RAP1GAP2: variants seen among roughly 807,000 people sequenced by gnomAD.
The protein encoded by RAP1GAP2 is RAP1 GTPase activating protein 2, also known as rap1 GTPase-activating protein 2.
Under a neutral mutation model 95.0 loss-of-function variants are expected in RAP1GAP2, and 27 were observed. The ratio of observed to expected loss-of-function variants is 0.28; its 90% CI spans 0.21 to 0.39. RAP1GAP2 has a LOEUF of 0.39. RAP1GAP2 is among the 10% of genes least tolerant of loss of function. The pLI, the probability that RAP1GAP2 is intolerant of heterozygous loss-of-function variation, is 1.00. For missense variants in RAP1GAP2, 771 were observed against 970.0 expected (o/e 0.79, Z 2.72); for synonymous variants, 373 against 380.9 (o/e 0.98, Z 0.24).
chr17:2,908,099 C>T (rs1255634218), intron 3 of RAP1GAP2, among the ~76,000 whole-genome samples: 1 of 152,208 alleles, frequency 6.6e-6, no homozygotes, highest in Non-Finnish European at 1.5e-5. Context: ...GCCACCACGC[C>T]TGGCCCAGAG....
Position 2,796,683 on chromosome 17 carries a change from CTG to C in RAP1GAP2, c.44+113_44+114del. 8.0e-7 allele frequency: 1 copy of C among 1,244,772 alleles called. No individual in the cohort carries two copies. Among genetic ancestry groups the C allele is most frequent in the Non-Finnish European group, 1.1e-6 (1 of 870,132 alleles). 77.1% of individuals were successfully genotyped at this position (1,244,772 alleles called of 1,614,324 possible). A position where few individuals can be genotyped will look rare whatever the true frequency, so the allele number is the denominator to read the frequency against. ...GAGGGGCTCGGGCTGTGCCTGAGAG[CTG>C]GGTCTGCTGACGCCCTGGCAGGTCG... On this transcript the variant is annotated intron_variant, in intron 1 of 24. Coordinates refer to ENST00000254695, the MANE Select transcript of RAP1GAP2 (RefSeq NM_015085.5). The surrounding 1 kb of genome is among the most constrained non-coding windows in gnomAD (Gnocchi z 4.7).
intron 3 of RAP1GAP2, among the ~76,000 whole-genome samples, chr17:2,916,775 G>C (rs1304126583): frequency 6.6e-6 from 1 of 152,212 alleles, no homozygotes; most frequent in Non-Finnish European, 1.5e-5. Context: ...CATGATGAGT[G>C]AGATGCAGAT....
intron 2 of RAP1GAP2, among the ~76,000 whole-genome samples, chr17:2,822,290 AAC>A (rs2070338314): frequency 1.3e-5 from 2 of 152,188 alleles, no homozygotes; most frequent in Non-Finnish European, 2.9e-5. Flanking sequence ...AAAAGGCACA[AAC>A]ACGGTCTTTG....
At chr17:2,768,453 A>T (rs1379556591) in intron 1 of RAP1GAP2, among the ~76,000 whole-genome samples, 1 of 152,186 alleles carries the variant, frequency 6.6e-6, no homozygotes, top group African/African-American at 2.4e-5. Context: ...GAACTTTGGG[A>T]GGCCAAGGTG....
At position 2,797,259 on chromosome 17, in the gene RAP1GAP2, G is replaced by C. The variant is rs1365872256; in HGVS notation, c.44+688G>C. On this transcript the variant is annotated intron_variant, in intron 1 of 24. Coordinates refer to ENST00000254695, the MANE Select transcript of RAP1GAP2 (RefSeq NM_015085.5). This position sits in a 1 kb window ranked among gnomAD's most constrained non-coding sequence, Gnocchi z 5.6. ...CAGCTGCATCTGTCCCCAGCCTCCTGCCTGGCCCTCTGGACACTCTTGCCT... is the reference window on the plus strand; with the variant it reads ...CAGCTGCATCTGTCCCCAGCCTCCTCCCTGGCCCTCTGGACACTCTTGCCT... Among the ~76,000 whole-genome samples, 1 of 152,168 alleles carries C rather than the reference G, an allele frequency of 6.6e-6. No homozygotes were observed. Among genetic ancestry groups the C allele is most frequent in the Non-Finnish European group, 1.5e-5 (1 of 68,036 alleles).
chr17:2,852,213 T>C (rs959010362), intron 2 of RAP1GAP2, among the ~76,000 whole-genome samples: 2 of 152,182 alleles, frequency 1.3e-5, no homozygotes, highest in Non-Finnish European at 2.9e-5. Context: ...ACTGGCATAG[T>C]ACTTGCAGCC....
chr17:2,756,177 GGGC>G (rs563870916), intron 1 of RAP1GAP2, among the ~76,000 whole-genome samples: 359 of 152,380 alleles, frequency 2.4e-3, no homozygotes, highest in South Asian at 7.2e-3. Flanking sequence ...CTCTGGACTT[GGGC>G]CCCGAGAAGG....
rs771621540 is a variant in RAP1GAP2, at chr17:2,866,113, T to G, written c.81-39171T>G. ...GGGGGACCGCCCAAGGAAGGCTGCC[T>G]GGAGTTGGTGGCATTTGAAGTGGGC... On this transcript the variant is annotated intron_variant, in intron 2 of 24. Transcript: ENST00000254695. The surrounding 1 kb of genome is among the most constrained non-coding windows in gnomAD (Gnocchi z 4.0). Among the ~76,000 whole-genome samples the G allele has an allele frequency of 6.6e-6, 1 of 152,208 alleles. No homozygotes were observed. Among genetic ancestry groups the G allele is most frequent in the Non-Finnish European group, 1.5e-5 (1 of 68,046 alleles).
At chr17:2,930,312 C>A (rs142063549) in intron 3 of RAP1GAP2, among the ~76,000 whole-genome samples, 1 of 152,210 alleles carries the variant, frequency 6.6e-6, no homozygotes, top group East Asian at 1.9e-4. Context: ...GGAGGGGTGA[C>A]AAGCCCACCA....
intron 19 of RAP1GAP2, among the ~76,000 whole-genome samples, chr17:3,025,515 C>G (rs574416698): frequency 7.9e-5 from 12 of 152,332 alleles, no homozygotes; most frequent in African/African-American, 1.2e-4. Flanking sequence ...TCCCAGCTCC[C>G]AGGGCAGCCT....
intron 14 of RAP1GAP2, among the ~76,000 whole-genome samples, chr17:2,999,599 A>C (rs540836283): frequency 2.6e-5 from 4 of 152,288 alleles, no homozygotes; most frequent in African/African-American, 9.6e-5. Flanking sequence ...AGTTCAACTC[A>C]GTTAAGTGCA....
chr17:2,800,597 C>G (rs749581078), intron 2 of RAP1GAP2, 47 bp downstream of exon 2: 2 of 1,591,542 alleles, frequency 1.3e-6, no homozygotes, highest in Non-Finnish European at 1.7e-6. Context: ...TGACGCGGAT[C>G]AGAGCGCCGG....
chr17:2,817,574 G>A (rs2070076154), intron 2 of RAP1GAP2, among the ~76,000 whole-genome samples: 1 of 117,894 alleles, frequency 8.5e-6, no homozygotes, highest in South Asian at 2.6e-4. Context: ...AGGCTGGAGT[G>A]AAGTGGCATG....
chr17:2,929,380 CCCTGG>C (rs756563150), intron 3 of RAP1GAP2, among the ~76,000 whole-genome samples: 1 of 152,036 alleles, frequency 6.6e-6, no homozygotes, highest in Non-Finnish European at 1.5e-5. Flanking sequence ...TCTGGCAATC[CCCTGG>C]CCCCGCCAGG....
rs1193371277 is a variant in RAP1GAP2 at position 2,914,559 on chromosome 17, C to T, written c.165+9191C>T. Among the ~76,000 whole-genome samples, 3 of 152,024 alleles carry T rather than the reference C, an allele frequency of 2.0e-5. No individual in the cohort carries two copies. In the East Asian group the frequency reaches 5.8e-4, roughly 29 times the overall value. ...AGGCTGGAGTGCAGTGGCCCGATCT[C>T]AGCTCACTGCAAGCTCTGCCTCCTG... On this transcript the variant is annotated intron_variant, in intron 3 of 24. Coordinates refer to ENST00000254695, the MANE Select transcript of RAP1GAP2 (RefSeq NM_015085.5).
At chr17:2,915,176 G>C (rs1246292203) in intron 3 of RAP1GAP2, among the ~76,000 whole-genome samples, 2 of 152,100 alleles carry the variant, frequency 1.3e-5, no homozygotes, top group Admixed American at 6.6e-5. Flanking sequence ...TCCTGCCTGG[G>C]CTCCCAAATT....
chr17:2,909,036 G>A (rs377620353), intron 3 of RAP1GAP2, among the ~76,000 whole-genome samples: 1 of 152,128 alleles, frequency 6.6e-6, no homozygotes, highest in Admixed American at 6.5e-5. Context: ...TGAGTTGGAC[G>A]TGCCTGAGGC....
rs757848837 is a variant in RAP1GAP2, at chr17:2,922,829, TTTG to T, written c.165+17464_165+17466del. On this transcript the variant is annotated intron_variant, in intron 3 of 24. Transcript: ENST00000254695. ...AAGTGCCCAGTATTTTCTTTTTGTT[TTTG>T]TTTTTTTTTTTTTTTTTGAGACAGA... Among the ~76,000 whole-genome samples, 39 of 121,204 alleles carry T rather than the reference TTTG, an allele frequency of 3.2e-4. 2 individuals carry two copies. Among genetic ancestry groups the T allele is most frequent in the East Asian group, 7.0e-4 (3 of 4,296 alleles). The allele number at this position is 121,204 out of a possible 152,430, so 79.5% of individuals were successfully genotyped here. A position where few individuals can be genotyped will look rare whatever the true frequency, so the allele number is the denominator to read the frequency against.
intron 2 of RAP1GAP2, among the ~76,000 whole-genome samples, chr17:2,895,877 C>A (rs778185165): frequency 6.6e-6 from 1 of 152,178 alleles, no homozygotes; most frequent in Non-Finnish European, 1.5e-5. Flanking sequence ...CGCGCCCGGC[C>A]TGCCCTCCCC....
Sources: allele counts gnomAD v4.1 joint callset (sites outside exome capture counted in the v4.1 genomes callset), GRCh38; gene constraint gnomAD v4.1.1; non-coding constraint Gnocchi (gnomAD v3.1); transcripts MANE v1.5; gene names NCBI Gene and HGNC (gene_info 2026-07-23, HGNC 2026-07-21).